Variants in FBN1 observed in about 807,000 individuals in gnomAD.
The protein encoded by FBN1 is fibrillin 1.
In FBN1, 29 loss-of-function variants were observed where a neutral mutation model predicts 365.1. The ratio of observed to expected loss-of-function variants is 0.08; its 90% CI spans 0.06 to 0.11. The LOEUF (loss-of-function observed/expected upper bound fraction) is 0.11. Ranked by LOEUF, FBN1 falls within the 10% of genes least tolerant of loss-of-function variation. FBN1 has a pLI of 1.00. For synonymous variants in FBN1, 1,210 were observed against 1,270.5 expected, an observed-to-expected ratio of 0.95 and a Z score of 1.01; for missense variants, 2,476 against 3,703.2, an observed-to-expected ratio of 0.67 and a Z score of 8.60.
chr15:48,473,817 AT>A (rs200557351), intron 34 of FBN1, among the ~76,000 whole-genome samples: 82 of 151,842 alleles, frequency 5.4e-4, no homozygotes, highest in East Asian at 2.1e-3. Flanking sequence ...CAAAAAAAAA[AT>A]AATAATAAAT....
intron 53 of FBN1, among the ~76,000 whole-genome samples, chr15:48,435,730 A>ATATATGTGTG (rs1196436045): frequency 1.3e-5 from 1 of 78,372 alleles, no homozygotes; most frequent in Non-Finnish European, 2.3e-5. Flanking sequence ...ATATATGTGT[A>ATATATGTGTG]TATATATGTG....
chr15:48,614,502 C>T (rs1333292930), intron 2 of FBN1, among the ~76,000 whole-genome samples: 1 of 152,174 alleles, frequency 6.6e-6, no homozygotes, highest in Non-Finnish European at 1.5e-5. Context: ...ATGTCCTTTA[C>T]CCCTTTTGTT....
chr15:48,540,435 C>G (rs553919918), intron 6 of FBN1, among the ~76,000 whole-genome samples: 1 of 152,100 alleles, frequency 6.6e-6, no homozygotes, highest in African/African-American at 2.4e-5. Context: ...TTAACATTGC[C>G]AAAGCTTTTT....
intron 8 of FBN1, among the ~76,000 whole-genome samples, chr15:48,532,810 CT>C (rs1258396302): frequency 6.6e-6 from 1 of 152,252 alleles, no homozygotes; most frequent in African/African-American, 2.4e-5. Flanking sequence ...CAAGAGTCAA[CT>C]TTATTGTTCT....
chr15:48,569,972 T>C (rs1238182087), intron 6 of FBN1, among the ~76,000 whole-genome samples: 1 of 152,126 alleles, frequency 6.6e-6, no homozygotes, highest in Non-Finnish European at 1.5e-5. Context: ...TACACCTCCA[T>C]GATGCTTTTT....
At chr15:48,470,603 G>T (rs372618441) in intron 36 of FBN1, 31 bp downstream of exon 36, 1 of 1,613,446 alleles carries the variant, frequency 6.2e-7, no homozygotes, top group East Asian at 2.2e-5. Context: ...GGACACCAGG[G>T]AGCTGATTTT....
Position 48,482,604 on chromosome 15 carries a change from G to A in FBN1, c.3839-824C>T, listed in dbSNP as rs140819988. On this transcript the variant is annotated intron_variant, in intron 31 of 65. Coordinates refer to ENST00000316623, the MANE Select transcript of FBN1 (RefSeq NM_000138.5). ...CCTTGAGTTGAGGAGATGAATCTGG[G>A]CATCCTGGAAGGCTGAGGTAGTTAG... Among the ~76,000 whole-genome samples, 366 of 152,280 alleles carry A rather than the reference G, an allele frequency of 2.4e-3. 4 individuals are homozygous for A. The highest frequency in any genetic ancestry group is 8.7e-3 in the African/African-American group (360 of 41,544).
At chr15:48,586,545 C>G (rs768075526) in intron 6 of FBN1, among the ~76,000 whole-genome samples, 3 of 152,178 alleles carry the variant, frequency 2.0e-5, no homozygotes, top group African/African-American at 7.2e-5. Context: ...CTGACCACAT[C>G]AAGCCATTAA....
chr15:48,475,995 AT>A (rs1217620267), intron 32 of FBN1, among the ~76,000 whole-genome samples: 1 of 152,230 alleles, frequency 6.6e-6, no homozygotes, highest in Non-Finnish European at 1.5e-5. Context: ...TGGCAGCCAC[AT>A]GGACCTATCA....
intron 6 of FBN1, among the ~76,000 whole-genome samples, chr15:48,556,186 C>T (rs905297057): frequency 3.3e-5 from 5 of 152,132 alleles, no homozygotes; most frequent in African/African-American, 7.2e-5. Flanking sequence ...ACAAACCTCA[C>T]GAACCTCAAA....
chr15:48,607,335 A>C (rs527757072), intron 4 of FBN1, among the ~76,000 whole-genome samples: 46 of 143,454 alleles, frequency 3.2e-4, no homozygotes, highest in African/African-American at 1.0e-3. Context: ...TATATATATA[A>C]TTAGACAATT....
At chr15:48,527,569 T>C (rs1029704882) in intron 8 of FBN1, among the ~76,000 whole-genome samples, 3 of 152,202 alleles carry the variant, frequency 2.0e-5, no homozygotes, top group African/African-American at 7.2e-5. Context: ...AATAAGAACA[T>C]TTATTCTACA....
chr15:48,574,375 G>A (rs2044329005), intron 6 of FBN1, among the ~76,000 whole-genome samples: 2 of 152,162 alleles, frequency 1.3e-5, no homozygotes, highest in South Asian at 4.1e-4. Context: ...GCATGGCACT[G>A]CAAACATATA....
intron 4 of FBN1, among the ~76,000 whole-genome samples, chr15:48,602,066 T>C (rs1017816111): frequency 1.3e-5 from 2 of 152,176 alleles, no homozygotes; most frequent in African/African-American, 2.4e-5. Flanking sequence ...GCACTTTCCT[T>C]GTCCTAGTCC....
At chr15:48,551,401 C>T (rs626492) in intron 6 of FBN1, among the ~76,000 whole-genome samples, 56,751 of 152,032 alleles carry the variant, frequency 0.37, 13,111 homozygotes, top group African/African-American at 0.66. Flanking sequence ...ATCTCTACTC[C>T]CTTGCCTGGC....
chr15:48,464,138 A>C lies in FBN1; in HGVS notation c.4943-117T>G, dbSNP rs2043302227. 5.4e-6 allele frequency: 5 copies of C among 927,386 alleles called. No individual in the cohort carries two copies. The East Asian group carries it at 1.3e-4, about 24-fold the overall frequency. 57.4% of individuals were successfully genotyped at this position (927,386 alleles called of 1,614,324 possible). On this transcript the variant is annotated intron_variant, in intron 40 of 65. Transcript: ENST00000316623. ...AATCTATAGGGTATTTTCAAATAAG[A>C]TAACGAAAATAGGTATTTCATTCAT...
At chr15:48,440,700 C>G (rs563765424) in intron 50 of FBN1, among the ~76,000 whole-genome samples, 62 of 152,156 alleles carry the variant, frequency 4.1e-4, no homozygotes, top group Middle Eastern at 3.4e-3. Context: ...CAGAAACTAA[C>G]AAAGCTTTGT....
At chr15:48,516,474 C>T in intron 10 of FBN1, 112 bp from the exon 11 acceptor site, 1 of 1,116,676 alleles carries the variant, frequency 9.0e-7, no homozygotes, top group East Asian at 2.6e-5. Context: ...AATTGATCCT[C>T]AAAATTCACA....
chr15:48,498,585 A>G (rs999942248), intron 18 of FBN1, among the ~76,000 whole-genome samples: 2 of 152,232 alleles, frequency 1.3e-5, no homozygotes, highest in Admixed American at 1.3e-4. Context: ...TTAACAGTTC[A>G]GAATCCTTCA....
Sources: gnomAD v4.1 joint callset for allele counts (sites outside exome capture counted in the v4.1 genomes callset) on GRCh38, gnomAD v4.1.1 for gene constraint, MANE v1.5 for transcripts, NCBI Gene and HGNC (gene_info 2026-07-23, HGNC 2026-07-21) for gene names.